TMIGD1: variants seen among roughly 807,000 people sequenced by gnomAD.
The protein encoded by TMIGD1 is transmembrane and immunoglobulin domain-containing protein 1.
TMIGD1 carries 29 observed loss-of-function variants against 27.5 expected under a neutral mutation model. The observed-to-expected ratio is 1.05, with a 90% CI of 0.78 to 1.44. The LOEUF (loss-of-function observed/expected upper bound fraction) is 1.44, where lower values mean the gene tolerates loss of function less well. TMIGD1 is among the 40% of genes most tolerant of loss of function. TMIGD1 has a pLI of 0.00. For synonymous variants in TMIGD1, 109 were observed against 110.3 expected, an observed-to-expected ratio of 0.99 and a Z score of 0.07; for missense variants, 334 against 310.6, an observed-to-expected ratio of 1.08 and a Z score of -0.57.
chr17:30,320,708 T>C (rs73275746), intron 4 of TMIGD1, among the ~76,000 whole-genome samples: 11,746 of 152,104 alleles, frequency 0.077, 709 homozygotes, highest in African/African-American at 0.16. Flanking sequence ...AAAGTAAAAG[T>C]GAAAGCCAGG....
chr17:30,329,134 T>C, intron 3 of TMIGD1, 117 bp downstream of exon 3: 1 of 1,249,494 alleles, frequency 8.0e-7, no homozygotes, highest in Non-Finnish European at 1.1e-6. Flanking sequence ...ACTCTCATAC[T>C]TTGTGGTAGG....
rs77530880 is a variant in TMIGD1 at position 30,328,611 on chromosome 17, A to G, written c.361+640T>C. Among the ~76,000 whole-genome samples, 1,009 of 152,240 alleles carry G rather than the reference A, an allele frequency of 6.6e-3. 7 individuals are homozygous for G. Among genetic ancestry groups the G allele is most frequent in the African/African-American group, 0.013 (525 of 41,534 alleles). Reference sequence around the variant, plus strand: ...CAGGCATTTCATGGAAACAAACAAAAAAAAGACCATTATGTTTACACAAAG... The same window carrying G: ...CAGGCATTTCATGGAAACAAACAAAGAAAAGACCATTATGTTTACACAAAG... On this transcript the variant is annotated intron_variant, in intron 3 of 6. Coordinates refer to ENST00000328886, the MANE Select transcript of TMIGD1 (RefSeq NM_206832.3).
intron 5 of TMIGD1, among the ~76,000 whole-genome samples, chr17:30,317,965 G>T (rs1437546814): frequency 6.6e-6 from 1 of 152,004 alleles, no homozygotes; most frequent in Non-Finnish European, 1.5e-5. Flanking sequence ...CTACTAGGGA[G>T]GCTGAGGTGG....
chr17:30,329,321 G>A lies in TMIGD1; in HGVS notation c.291C>T (p.Asn97=), dbSNP rs199924056. The change falls in exon 3 of 7, where the codon AAC becomes AAT. Residue 97 remains asparagine (N), a synonymous_variant. Transcript: ENST00000328886. ...VCVSSISEND[N]GISFTCRLGR... ...CCAGCCTGCAGGTAAAGCTGATTCC[G>A]TTGTCATTTTCACTGATGGAAGAGA... 1.3e-5 allele frequency: 21 copies of A among 1,613,954 alleles called. No individual in the cohort carries two copies. In the African/African-American group the frequency reaches 2.3e-4, roughly 17 times the overall value.
intron 3 of TMIGD1, 124 bp downstream of exon 3, chr17:30,329,127 C>G (rs1909887223): frequency 8.6e-7 from 1 of 1,164,710 alleles, no homozygotes; most frequent in Admixed American, 2.2e-5. Flanking sequence ...AATAGGTACT[C>G]TCATACTTTG....
chr17:30,316,875 C>A (rs1305348767), intron 6 of TMIGD1, 185 bp from the exon 7 acceptor site: 1 of 663,604 alleles, frequency 1.5e-6, no homozygotes, highest in African/African-American at 1.8e-5. Context: ...TGGTTCCTGG[C>A]CTTGTTGTAA....
At chr17:30,324,055 G>T (rs1420056268) in intron 4 of TMIGD1, among the ~76,000 whole-genome samples, 1 of 152,210 alleles carries the variant, frequency 6.6e-6, no homozygotes, top group Admixed American at 6.5e-5. Flanking sequence ...TGACTGACAA[G>T]ACTGGCAATA....
chr17:30,326,651 T>G (rs887231877), intron 3 of TMIGD1, among the ~76,000 whole-genome samples: 6 of 152,236 alleles, frequency 3.9e-5, no homozygotes, highest in African/African-American at 1.4e-4. Flanking sequence ...TTAGGTTGTT[T>G]TCATTTTAAA....
Position 30,324,868 on chromosome 17 carries a change from A to G in TMIGD1, c.588T>C (p.Ile196=). ...TCTCCGTTTTCAGAGATGACTTTGCAATACAACTGTAGGTTCCGTTGTCAG... is the reference window on the plus strand; with the variant it reads ...TCTCCGTTTTCAGAGATGACTTTGCGATACAACTGTAGGTTCCGTTGTCAG... ...EKPDNGTYSC[I]AKSSLKTESL... Residue 196 remains isoleucine, a synonymous_variant, in exon 4 of 7, where the codon ATT becomes ATC. Coordinates refer to ENST00000328886, the MANE Select transcript of TMIGD1 (RefSeq NM_206832.3). The G allele has an allele frequency of 6.2e-7, 1 of 1,614,200 alleles. No individual in the cohort carries two copies. The highest frequency in any genetic ancestry group is 8.5e-7 in the Non-Finnish European group (1 of 1,180,008).
rs1456668990 is a variant in TMIGD1, at chr17:30,316,686, C to G, written c.*1G>C. On this transcript the variant is annotated 3_prime_UTR_variant, in exon 7 of 7. Transcript: ENST00000328886. The stretch of plus-strand genomic sequence containing the variant: ...CTGTATTCGATGGCATCTCAGCTTT[C>G]TCATCTGAAATGAATGAAGAAATTA... 6.2e-7 allele frequency: 1 copy of G among 1,613,180 alleles called. No homozygotes were observed. The highest frequency in any genetic ancestry group is 1.3e-5 in the African/African-American group (1 of 74,878).
At position 30,329,353 on chromosome 17, in the gene TMIGD1, C is replaced by CG; in HGVS notation, c.258_259insC (p.Val87ArgfsTer8). On this transcript the variant is annotated frameshift_variant, in exon 3 of 7. Coordinates refer to ENST00000328886, the MANE Select transcript of TMIGD1 (RefSeq NM_206832.3). LOFTEE classifies it high-confidence loss of function. ...TTTTCACTGATGGAAGAGACACAGA[C>CG]AGAGCTGGAATTGATTTTGTTTCCA... 6.2e-7 allele frequency: 1 copy of CG among 1,614,118 alleles called. No homozygotes were observed. Among genetic ancestry groups the CG allele is most frequent in the South Asian group, 1.1e-5 (1 of 91,064 alleles).
chr17:30,326,064 C>T lies in TMIGD1; in HGVS notation c.362-970G>A, dbSNP rs558906644. On this transcript the variant is annotated intron_variant, in intron 3 of 6. Coordinates refer to ENST00000328886, the MANE Select transcript of TMIGD1 (RefSeq NM_206832.3). ...AATCTGCACACTGAATAATTAGACC[C>T]TGAGTAGGCTGTGTTATTAATAACT... 7.2e-5 allele frequency among the ~76,000 whole-genome samples: 11 copies of T among 152,252 alleles called. No homozygotes were observed. The South Asian group carries it at 2.3e-3, about 32-fold the overall frequency.
At position 30,329,479 on chromosome 17, in the gene TMIGD1, T is replaced by A; in HGVS notation, c.133A>T (p.Thr45Ser). 6.2e-7 allele frequency: 1 copy of A among 1,614,138 alleles called. No homozygotes were observed. Among genetic ancestry groups the A allele is most frequent in the East Asian group, 2.2e-5 (1 of 44,890 alleles). Residue 45 changes from threonine (T) to serine (S), a missense_variant, in exon 3 of 7, where the codon ACA becomes TCA. Transcript: ENST00000328886. ...GKTENYILDT[T>S]PGSQASLICA... ...ATCAGAGATGCTTGGGAGCCAGGTG[T>A]AGTATCCAGGATATAGTTCTCAGTT... is the stretch of plus-strand genomic sequence containing the variant.
rs149524784 is a variant in TMIGD1 at position 30,321,216 on chromosome 17, G to A, written c.641-2303C>T. 3.7e-4 allele frequency among the ~76,000 whole-genome samples: 56 copies of A among 149,898 alleles called. 1 individual carries two copies. The highest frequency in any genetic ancestry group is 1.3e-3 in the African/African-American group (52 of 40,618). ...TGGGTATGTTGCCCAGGCTGGTCTT[G>A]AACTCCTGACCACAAGCAATTCTCC... On this transcript the variant is annotated intron_variant, in intron 4 of 6. Transcript: ENST00000328886.
chr17:30,325,386 CAA>C (rs1387967087), intron 3 of TMIGD1, among the ~76,000 whole-genome samples: 1 of 152,094 alleles, frequency 6.6e-6, no homozygotes, highest in Non-Finnish European at 1.5e-5. Context: ...TAACACTACC[CAA>C]GAGTATAAGC....
At chr17:30,319,261 A>AAATATATATATAT in intron 4 of TMIGD1, among the ~76,000 whole-genome samples, 9 of 69,042 alleles carry the variant, frequency 1.3e-4, no homozygotes, top group African/African-American at 3.6e-4. Context: ...AAAAAAAAAA[A>AAATATATATATAT]ATATATATAT....
intron 4 of TMIGD1, among the ~76,000 whole-genome samples, chr17:30,321,947 G>A (rs921637549): frequency 6.6e-6 from 1 of 152,044 alleles, no homozygotes; most frequent in African/African-American, 2.4e-5. Context: ...TCCTACTTCA[G>A]CCTCCTGAGT....
intron 1 of TMIGD1, among the ~76,000 whole-genome samples, chr17:30,333,594 C>T (rs1266341318): frequency 2.0e-5 from 3 of 152,198 alleles, no homozygotes; most frequent in South Asian, 2.1e-4. Context: ...CTGTCCCAGG[C>T]GTGCCCTGAC....
At chr17:30,319,296 G>C (rs1007077373) in intron 4 of TMIGD1, among the ~76,000 whole-genome samples, 2 of 125,052 alleles carry the variant, frequency 1.6e-5, no homozygotes, top group Admixed American at 1.7e-4. Flanking sequence ...ATGGTGGCAA[G>C]TGCCTGTAGT....
Sources: gnomAD v4.1 joint callset for allele counts (sites outside exome capture counted in the v4.1 genomes callset) on GRCh38, gnomAD v4.1.1 for gene constraint, MANE v1.5 for transcripts, NCBI Gene and HGNC (gene_info 2026-07-23, HGNC 2026-07-21) for gene names.